The following ZNF541 variants were observed in gnomAD, a reference collection of about 807,000 sequenced individuals.
ZNF541 encodes the protein zinc finger protein 541.
ZNF541 carries 23 observed loss-of-function variants against 123.5 expected under a neutral mutation model. That is an observed-to-expected ratio of 0.19 (90% CI 0.13 to 0.26). ZNF541 has a LOEUF of 0.26. ZNF541 is among the 10% of genes least tolerant of loss of function. The probability of loss-of-function intolerance (pLI) is 1.00; values close to 1 mark genes in which losing one functional copy is unlikely to be tolerated. For missense variants in ZNF541, 1,612 were observed against 1,789.9 expected, an observed-to-expected ratio of 0.90 and a Z score of 1.79; for synonymous variants, 751 against 754.5, an observed-to-expected ratio of 1.00 and a Z score of 0.08.
At chr19:47,537,433 G>T (rs755636173) in intron 9 of ZNF541, among the ~76,000 whole-genome samples, 1 of 151,314 alleles carries the variant, frequency 6.6e-6, no homozygotes, top group Non-Finnish European at 1.5e-5. Context: ...GCATGATGGC[G>T]CACGCCTGTA....
rs1254975808 is a variant in ZNF541, at chr19:47,521,131, G to A, written c.*93C>T. The A allele has an allele frequency of 2.1e-6, 3 of 1,445,884 alleles. No homozygotes were observed. The highest frequency in any genetic ancestry group is 2.8e-6 in the Non-Finnish European group (3 of 1,081,878). 89.6% of individuals were successfully genotyped at this position (1,445,884 alleles called of 1,614,324 possible). A position where few individuals can be genotyped will look rare whatever the true frequency, so the allele number is the denominator to read the frequency against. ...TGGCCAACAGGGGACAGGGAGGGTGGGGGGAGGCAGAGGGGTGCCCCAAAC... is the reference window on the plus strand; with the variant it reads ...TGGCCAACAGGGGACAGGGAGGGTGAGGGGAGGCAGAGGGGTGCCCCAAAC... On this transcript the variant is annotated 3_prime_UTR_variant, in exon 17 of 17. Coordinates refer to ENST00000391901, the MANE Select transcript of ZNF541 (RefSeq NM_001277075.3). The surrounding 1 kb of genome is among the most constrained non-coding windows in gnomAD (Gnocchi z 4.2).
rs1398735097 is a variant in ZNF541 at position 47,521,554 on chromosome 19, G to C, written c.3812C>G (p.Ala1271Gly). The change falls in exon 16 of 17, where the codon GCA (alanine) becomes GGA (glycine). Residue 1271 changes from alanine to glycine, a missense_variant. By Grantham distance (60) the Ala-to-Gly change is moderately conservative. Around this residue, in one of 5 missense-constraint regions of ZNF541, gnomAD observed 285 missense variants for 407.3 expected, o/e 0.70. Transcript: ENST00000391901. This position sits in a 1 kb window ranked among gnomAD's most constrained non-coding sequence, Gnocchi z 4.2. ...RESILSSSPNAGSKRTPELLG... is the reference protein window; with the variant it reads ...RESILSSSPNGGSKRTPELLG... The stretch of plus-strand genomic sequence containing the variant: ...CAGCTCGGGGGTCCGCTTGGAGCCT[G>C]CATTTGGGCTGGAGCTGAGGATGGA... The C allele has an allele frequency of 1.9e-6, 3 of 1,551,704 alleles. No individual in the cohort carries two copies. Among genetic ancestry groups the C allele is most frequent in the Admixed American group, 3.9e-5 (2 of 51,008 alleles).
chr19:47,521,397 C>T lies in ZNF541; in HGVS notation c.3888-20G>A. The T allele has an allele frequency of 6.4e-7, 1 of 1,551,566 alleles. No individual in the cohort carries two copies. Among genetic ancestry groups the T allele is most frequent in the South Asian group, 1.2e-5 (1 of 84,062 alleles). On this transcript the variant is annotated intron_variant, in intron 16 of 16. Transcript: ENST00000391901. This position sits in a 1 kb window ranked among gnomAD's most constrained non-coding sequence, Gnocchi z 4.2. Reference sequence around the variant, plus strand: ...AACACCCTGAGGAGTCACCAGAGGACATGGGGTCAGAGCAGGGAGGAAGGG... The same window carrying T: ...AACACCCTGAGGAGTCACCAGAGGATATGGGGTCAGAGCAGGGAGGAAGGG...
intron 4 of ZNF541, among the ~76,000 whole-genome samples, chr19:47,548,923 AC>A (rs1461341772): frequency 6.6e-6 from 1 of 150,400 alleles, no homozygotes; most frequent in East Asian, 1.9e-4. Flanking sequence ...TAAAAATAAT[AC>A]AAAAATTAGC....
chr19:47,570,990 T>C (rs1971457044), intron 2 of ZNF541, among the ~76,000 whole-genome samples: 1 of 150,418 alleles, frequency 6.6e-6, no homozygotes, highest in Non-Finnish European at 1.5e-5. Context: ...ACTATTCCAA[T>C]AAGAAAAAGT....
chr19:47,555,067 T>TA (rs1198309189), intron 3 of ZNF541, among the ~76,000 whole-genome samples: 175 of 124,626 alleles, frequency 1.4e-3, no homozygotes, highest in Non-Finnish European at 1.4e-3. Context: ...GTACTCTGCC[T>TA]AAAAAAAAAA....
At chr19:47,553,363 C>A (rs923143035) in intron 3 of ZNF541, among the ~76,000 whole-genome samples, 10 of 151,186 alleles carry the variant, frequency 6.6e-5, no homozygotes, top group African/African-American at 2.4e-4. Flanking sequence ...CTCAGCCTCC[C>A]GAGTAGCTGG....
At chr19:47,556,578 G>A (rs1182328769) in intron 2 of ZNF541, among the ~76,000 whole-genome samples, 1 of 151,964 alleles carries the variant, frequency 6.6e-6, no homozygotes, top group African/African-American at 2.4e-5. Context: ...CCAAAGTGCT[G>A]GGATTACAGG....
intron 2 of ZNF541, among the ~76,000 whole-genome samples, chr19:47,557,469 G>A (rs867230081): frequency 3.3e-5 from 5 of 152,002 alleles, no homozygotes; most frequent in South Asian, 2.1e-4. Flanking sequence ...AACAAGCCTC[G>A]AAGATAAGAA....
rs1968995099 is a variant in ZNF541, at chr19:47,520,944, A to C, written c.*280T>G. 2.5e-6 allele frequency: 1 copy of C among 398,410 alleles called. No homozygotes were observed. Among genetic ancestry groups the C allele is most frequent in the Non-Finnish European group, 4.6e-6 (1 of 218,884 alleles). 24.7% of individuals were successfully genotyped at this position (398,410 alleles called of 1,614,324 possible). A position where few individuals can be genotyped will look rare whatever the true frequency, so the allele number is the denominator to read the frequency against. ...CCCAGAGCTAAATTTTCCCCTCCCCAAGCCTCCCTGCTCTAGAAGTGGAAG... is the reference window on the plus strand; with the variant it reads ...CCCAGAGCTAAATTTTCCCCTCCCCCAGCCTCCCTGCTCTAGAAGTGGAAG... On this transcript the variant is annotated 3_prime_UTR_variant, in exon 17 of 17. Transcript: ENST00000391901.
chr19:47,537,752 G>A (rs1278668744), intron 9 of ZNF541, among the ~76,000 whole-genome samples: 1 of 151,928 alleles, frequency 6.6e-6, no homozygotes, highest in Admixed American at 6.6e-5. Context: ...ATGCGCACCT[G>A]TAGTCCCAAC....
chr19:47,528,481 T>A (rs1292928392), intron 14 of ZNF541, among the ~76,000 whole-genome samples: 3 of 151,646 alleles, frequency 2.0e-5, no homozygotes, highest in Non-Finnish European at 4.4e-5. Context: ...CATGCCCGGC[T>A]AATTTTTGTA....
chr19:47,564,131 T>C (rs1181815998), intron 2 of ZNF541, among the ~76,000 whole-genome samples: 1 of 152,146 alleles, frequency 6.6e-6, no homozygotes, highest in Non-Finnish European at 1.5e-5. Context: ...TGATTCCCTA[T>C]AAACTGAACT....
In ZNF541 at chr19:47,532,936, T is replaced by C. The variant is rs1232373053; in HGVS notation, c.3131A>G (p.Lys1044Arg). The C allele has an allele frequency of 6.4e-7, 1 of 1,550,500 alleles. No homozygotes were observed. The highest frequency in any genetic ancestry group is 2.0e-5 in the Admixed American group (1 of 50,914). Residue 1044 changes from lysine (K) to arginine (R), a missense_variant, in exon 10 of 17, where the codon AAG becomes AGG. Coordinates refer to ENST00000391901, the MANE Select transcript of ZNF541 (RefSeq NM_001277075.3). Reference sequence around the variant, plus strand: ...CTCAATGCTGATTTTGGTGTCATCCTTCACCACACAGATGCCAAAGGACCC... The same window carrying C: ...CTCAATGCTGATTTTGGTGTCATCCCTCACCACACAGATGCCAAAGGACCC... Reference protein sequence around the residue: ...VDGSFGICVVKDDTKISIEPH... With the variant: ...VDGSFGICVVRDDTKISIEPH...
chr19:47,538,133 C>T lies in ZNF541; in HGVS notation c.3094+9G>A, dbSNP rs891982979. 4 of 1,549,904 alleles carry T rather than the reference C, an allele frequency of 2.6e-6. No homozygotes were observed. The highest frequency in any genetic ancestry group is 1.4e-5 in the African/African-American group (1 of 72,976). On this transcript the variant is annotated intron_variant, in intron 9 of 16. Transcript: ENST00000391901. ...GGGATCACAGAGTGAGTGCCCCAGC[C>T]TCACTCACCGAGCATGGAGCTGATG...
chr19:47,568,754 C>A (rs1971363721), intron 2 of ZNF541, among the ~76,000 whole-genome samples: 1 of 152,134 alleles, frequency 6.6e-6, no homozygotes, highest in Non-Finnish European at 1.5e-5. Flanking sequence ...CTCATTGCAA[C>A]CTCCGCCTCC....
chr19:47,555,761 G>A lies in ZNF541; in HGVS notation c.96C>T (p.Thr32=). The change falls in exon 3 of 17, where the codon ACC becomes ACT. Residue 32 remains threonine, a synonymous_variant. Transcript: ENST00000391901. ...SESQGLNCSD[T]LNRDLGPNTR... The stretch of plus-strand genomic sequence containing the variant: ...TGTTGGGACCCAAATCCCGGTTGAG[G>A]GTGTCGCTGCAGTTGAGCCCTTGGC... 6.4e-7 allele frequency: 1 copy of A among 1,551,700 alleles called. No homozygotes were observed. The highest frequency in any genetic ancestry group is 1.7e-4 in the Middle Eastern group (1 of 5,992).
upstream of ZNF541, among the ~76,000 whole-genome samples, chr19:47,573,245 C>T (rs1461485152): frequency 1.3e-5 from 2 of 151,440 alleles, no homozygotes; most frequent in Non-Finnish European, 2.9e-5. Flanking sequence ...GACCGCGGGC[C>T]GCCTCACGCC....
chr19:47,523,421 C>T (rs1051752253), intron 14 of ZNF541, among the ~76,000 whole-genome samples: 5 of 150,644 alleles, frequency 3.3e-5, no homozygotes, highest in Non-Finnish European at 5.9e-5. Flanking sequence ...GGCTATTGAG[C>T]GAACTCCAGA....
Sources: gnomAD v4.1 joint callset for allele counts (sites outside exome capture counted in the v4.1 genomes callset) on GRCh38, gnomAD v4.1.1 for gene constraint, gnomAD v4.1.1 regional missense constraint, Gnocchi (gnomAD v3.1) non-coding constraint, MANE v1.5 for transcripts, NCBI Gene and HGNC (gene_info 2026-07-23, HGNC 2026-07-21) for gene names.